FUT8: variants seen among roughly 807,000 people sequenced by gnomAD.
The protein encoded by FUT8 is fucosyltransferase 8.
FUT8 carries 29 observed loss-of-function variants against 71.3 expected under a neutral mutation model. The observed-to-expected ratio is 0.41, with a 90% CI of 0.30 to 0.55. FUT8 has a LOEUF of 0.55. Among genes scored for constraint, FUT8 ranks in the 20% least tolerant of loss-of-function variants. FUT8 has a pLI of 0.34. For missense variants in FUT8, 544 were observed against 702.1 expected, an observed-to-expected ratio of 0.77 and a Z score of 2.55; for synonymous variants, 254 against 239.3, an observed-to-expected ratio of 1.06 and a Z score of -0.57.
chr14:65,738,659 G>A (rs1173662886), intron 10 of FUT8, among the ~76,000 whole-genome samples: 2 of 152,040 alleles, frequency 1.3e-5, no homozygotes, highest in African/African-American at 4.8e-5. Flanking sequence ...TCATTTACCT[G>A]CCATGTGATT....
intron 3 of FUT8, among the ~76,000 whole-genome samples, chr14:65,565,349 A>G (rs1886135481): frequency 6.6e-6 from 1 of 151,900 alleles, no homozygotes; most frequent in African/African-American, 2.4e-5. Context: ...TTTGATGAGG[A>G]CAAACCACAT....
At chr14:65,677,149 T>TGCGC (rs1484485353) in intron 7 of FUT8, among the ~76,000 whole-genome samples, 104 of 84,552 alleles carry the variant, frequency 1.2e-3, no homozygotes, top group Non-Finnish European at 1.9e-3. Context: ...TGTGTGTGTG[T>TGCGC]GTGCGCGCGC....
intron 5 of FUT8, among the ~76,000 whole-genome samples, chr14:65,626,156 T>G (rs1388866453): frequency 1.3e-5 from 2 of 151,992 alleles, no homozygotes; most frequent in African/African-American, 2.4e-5. Context: ...GTAGTAGAAT[T>G]ATTAGTAGGT....
chr14:65,495,417 G>A (rs1402038698), intron 2 of FUT8, among the ~76,000 whole-genome samples: 2 of 152,124 alleles, frequency 1.3e-5, no homozygotes, highest in Non-Finnish European at 2.9e-5. Context: ...ATCACCTCTG[G>A]TTTGGATGTA....
At chr14:65,522,792 G>A (rs1883173256) in intron 2 of FUT8, among the ~76,000 whole-genome samples, 2 of 142,966 alleles carry the variant, frequency 1.4e-5, no homozygotes, top group South Asian at 2.2e-4. Context: ...CGCATTGTTC[G>A]GTTTCCACCA....
intron 2 of FUT8, among the ~76,000 whole-genome samples, chr14:65,481,936 T>G (rs1185064691): frequency 1.3e-5 from 2 of 152,202 alleles, no homozygotes; most frequent in Admixed American, 1.3e-4. Context: ...CTTTTCTTTC[T>G]CTTAATAGTG....
At position 65,467,512 on chromosome 14, in the gene FUT8, T is replaced by G. The variant is rs1003830517; in HGVS notation, c.-228+11794T>G. Among the ~76,000 whole-genome samples the G allele has an allele frequency of 6.6e-6, 1 of 152,116 alleles. No individual in the cohort carries two copies. Among genetic ancestry groups the G allele is most frequent in the African/African-American group, 2.4e-5 (1 of 41,408 alleles). ...TTATTTTTGAGACAGAGTCTCACAC[T>G]GTCGCCCGGGCTGGAGTGCAGTGGT... On this transcript the variant is annotated intron_variant, in intron 2 of 10. Coordinates refer to ENST00000673929, the MANE Select transcript of FUT8 (RefSeq NM_001371533.1). This position sits in a 1 kb window ranked among gnomAD's most constrained non-coding sequence, Gnocchi z 4.1.
At chr14:65,452,328 T>C (rs72714442) in intron 1 of FUT8, among the ~76,000 whole-genome samples, 20,338 of 152,108 alleles carry the variant, frequency 0.13, 1,803 homozygotes, top group Middle Eastern at 0.2. Flanking sequence ...AACTAAAGAA[T>C]GGGACGAAAT....
At chr14:65,568,618 C>T (rs1886320018) in intron 3 of FUT8, among the ~76,000 whole-genome samples, 1 of 150,694 alleles carries the variant, frequency 6.6e-6, no homozygotes, top group African/African-American at 2.4e-5. Context: ...CTAGTTTGTT[C>T]TTCAACCAGA....
At chr14:65,628,814 G>A (rs554655232) in intron 5 of FUT8, among the ~76,000 whole-genome samples, 13 of 152,296 alleles carry the variant, frequency 8.5e-5, no homozygotes, top group African/African-American at 3.1e-4. Flanking sequence ...CCAGGACTCA[G>A]CAAATTATGG....
chr14:65,573,717 C>G (rs557805592), intron 3 of FUT8, among the ~76,000 whole-genome samples: 1 of 145,652 alleles, frequency 6.9e-6, no homozygotes, highest in African/African-American at 2.5e-5. Flanking sequence ...CTGGGCAACA[C>G]AGTGAGACCC....
At chr14:65,701,458 A>G (rs1894291189) in intron 7 of FUT8, among the ~76,000 whole-genome samples, 1 of 152,218 alleles carries the variant, frequency 6.6e-6, no homozygotes, top group Admixed American at 6.5e-5. Context: ...TGGAAAGCTT[A>G]TTACGTAATT....
chr14:65,633,848 T>TGG (rs1225501418), intron 6 of FUT8, among the ~76,000 whole-genome samples: 1 of 149,230 alleles, frequency 6.7e-6, no homozygotes, highest in Admixed American at 6.6e-5. Context: ...GGGAGGGAGG[T>TGG]GGGGGGTCAG....
chr14:65,360,726 T>G, the FUT8 span, among the ~76,000 whole-genome samples: 1 of 152,228 alleles, frequency 6.6e-6, no homozygotes, highest in South Asian at 2.1e-4. Flanking sequence ...GAAGTTGGCT[T>G]ATAGCCCTCA....
intron 6 of FUT8, among the ~76,000 whole-genome samples, chr14:65,641,670 C>G (rs887803266): frequency 6.6e-6 from 1 of 151,202 alleles, no homozygotes; most frequent in Non-Finnish European, 1.5e-5. Context: ...CCCTAACTAA[C>G]ACTTTGTATG....
At chr14:65,566,710 G>T (rs1475152599) in intron 3 of FUT8, among the ~76,000 whole-genome samples, 1 of 151,848 alleles carries the variant, frequency 6.6e-6, no homozygotes, top group East Asian at 1.9e-4. Context: ...TGATGCTTAG[G>T]TTTTCAACAT....
At chr14:65,387,816 A>T in the FUT8 span, among the ~76,000 whole-genome samples, 1 of 152,166 alleles carries the variant, frequency 6.6e-6, no homozygotes, top group Non-Finnish European at 1.5e-5. Context: ...TGTATATTTT[A>T]TCTCATTTTC....
intron 7 of FUT8, among the ~76,000 whole-genome samples, chr14:65,694,930 T>C (rs1196907775): frequency 6.7e-6 from 1 of 149,472 alleles, no homozygotes; most frequent in Non-Finnish European, 1.5e-5. Flanking sequence ...CTTTAGGAGA[T>C]ATACCTAATG....
chr14:65,418,964 C>T (rs1003273137), intron 1 of FUT8, among the ~76,000 whole-genome samples: 24 of 152,282 alleles, frequency 1.6e-4, no homozygotes, highest in African/African-American at 5.8e-4. Context: ...CGCGGTGGCT[C>T]ATGCCTGTAA....
Sources: gnomAD v4.1 joint callset for allele counts (sites outside exome capture counted in the v4.1 genomes callset) on GRCh38, gnomAD v4.1.1 for gene constraint, Gnocchi (gnomAD v3.1) non-coding constraint, MANE v1.5 for transcripts, NCBI Gene and HGNC (gene_info 2026-07-23, HGNC 2026-07-21) for gene names.